The following XKR9 variants were observed in gnomAD, a reference collection of about 807,000 sequenced individuals.
XKR9 encodes XK related 9.
Under a neutral mutation model 32.0 loss-of-function variants are expected in XKR9, and 32 were observed. The ratio of observed to expected loss-of-function variants is 1.00; its 90% CI spans 0.76 to 1.34. XKR9 has a LOEUF of 1.34. XKR9 is among the 40% of genes most tolerant of loss of function. XKR9 has a pLI of 0.00. For synonymous variants in XKR9, 168 were observed against 143.4 expected (o/e 1.17, Z -1.22); for missense variants, 546 against 429.7 (o/e 1.27, Z -2.39).
the XKR9 span, among the ~76,000 whole-genome samples, chr8:70,940,150 A>G: frequency 6.6e-6 from 1 of 151,958 alleles, no homozygotes; most frequent in Non-Finnish European, 1.5e-5. Context: ...GGGAGTAGTA[A>G]TTTCTAAATC....
chr8:70,751,372 A>C (rs891783677), intron 2 of XKR9, among the ~76,000 whole-genome samples: 2 of 152,002 alleles, frequency 1.3e-5, no homozygotes, highest in Admixed American at 6.6e-5. Context: ...CAAGTGATCT[A>C]CCTGACTCAG....
the XKR9 span, among the ~76,000 whole-genome samples, chr8:70,958,398 C>A: frequency 1.3e-5 from 2 of 152,134 alleles, no homozygotes; most frequent in African/African-American, 4.8e-5. Flanking sequence ...GTCATTCTGA[C>A]TGGTTTTAAG....
At chr8:70,899,857 T>C in the XKR9 span, among the ~76,000 whole-genome samples, 1 of 152,244 alleles carries the variant, frequency 6.6e-6, no homozygotes, top group Non-Finnish European at 1.5e-5. Context: ...GTTTATTTTG[T>C]TGCTAATAAC....
rs568053818 is a variant in XKR9, at chr8:70,730,979, A to G, written c.494-2817A>G. On this transcript the variant is annotated intron_variant, in intron 4 of 4. Transcript: ENST00000408926. ...TGGTCACAAAGTTAAGCTCTTAAGG[A>G]CACAACACAAGATAGAGAAATTTCA... Among the ~76,000 whole-genome samples the G allele has an allele frequency of 3.3e-5, 5 of 152,318 alleles. No homozygotes were observed. In the South Asian group the frequency reaches 6.2e-4, roughly 19 times the overall value.
chr8:71,065,322 G>GA, the XKR9 span, among the ~76,000 whole-genome samples: 1 of 152,208 alleles, frequency 6.6e-6, no homozygotes, highest in South Asian at 2.1e-4. Flanking sequence ...AGAAGAAGAG[G>GA]AAATTATTCC....
At chr8:70,714,364 A>G (rs1269410294) in intron 4 of XKR9, among the ~76,000 whole-genome samples, 1 of 151,914 alleles carries the variant, frequency 6.6e-6, no homozygotes, top group Non-Finnish European at 1.5e-5. Flanking sequence ...GAAAGCTAAC[A>G]CCTACAAATT....
At chr8:71,005,873 A>G in the XKR9 span, among the ~76,000 whole-genome samples, 5 of 152,294 alleles carry the variant, frequency 3.3e-5, no homozygotes, top group East Asian at 9.7e-4. Context: ...TTCCAGATGA[A>G]AAGTTACCAG....
the XKR9 span, among the ~76,000 whole-genome samples, chr8:70,952,553 T>C: frequency 6.6e-6 from 1 of 152,216 alleles, no homozygotes; most frequent in Non-Finnish European, 1.5e-5. Flanking sequence ...AGTGCATCTC[T>C]GTGCCAGGCT....
At chr8:70,855,875 C>G in the XKR9 span, among the ~76,000 whole-genome samples, 3 of 152,136 alleles carry the variant, frequency 2.0e-5, no homozygotes, top group Admixed American at 2.0e-4. Context: ...TCCAGCCAAA[C>G]CAAGCTTCAT....
chr8:70,746,004 C>T (rs1807053304), intron 2 of XKR9, among the ~76,000 whole-genome samples: 2 of 152,050 alleles, frequency 1.3e-5, no homozygotes, highest in African/African-American at 2.4e-5. Context: ...AACCATTTGT[C>T]GTTTCCCAAA....
intron 2 of XKR9, among the ~76,000 whole-genome samples, chr8:70,759,724 G>A (rs970932101): frequency 6.6e-6 from 1 of 152,236 alleles, no homozygotes; most frequent in East Asian, 1.9e-4. Flanking sequence ...GGTGGCATTG[G>A]TGAGCTCACC....
downstream of XKR9, among the ~76,000 whole-genome samples, chr8:70,793,467 T>G (rs78459230): frequency 0.085 from 12,859 of 152,170 alleles, 1,091 homozygotes; most frequent in East Asian, 0.46. Flanking sequence ...TGTAATGCAC[T>G]TGGCCATCTT....
At chr8:70,862,405 C>G in the XKR9 span, among the ~76,000 whole-genome samples, 3 of 151,630 alleles carry the variant, frequency 2.0e-5, no homozygotes, top group Non-Finnish European at 4.4e-5. Context: ...AAAGAGATGT[C>G]TTTTTGCATG....
chr8:70,902,067 A>C, the XKR9 span, among the ~76,000 whole-genome samples: 2 of 152,142 alleles, frequency 1.3e-5, no homozygotes, highest in African/African-American at 2.4e-5. Context: ...CTTGTAGTAT[A>C]GTTTGAAGTC....
the XKR9 span, among the ~76,000 whole-genome samples, chr8:70,903,125 G>T: frequency 2.6e-5 from 4 of 152,062 alleles, no homozygotes; most frequent in Non-Finnish European, 5.9e-5. Context: ...GTTCCGCCAG[G>T]CTTTGGTATC....
intron 2 of XKR9, among the ~76,000 whole-genome samples, chr8:70,785,767 GTATATATGTA>G (rs1282883556): frequency 2.4e-4 from 35 of 145,562 alleles, no homozygotes; most frequent in Non-Finnish European, 2.4e-4. Context: ...GTATATATGT[GTATATATGTA>G]TATATATATG....
chr8:70,889,391 T>A, the XKR9 span, among the ~76,000 whole-genome samples: 5 of 151,858 alleles, frequency 3.3e-5, no homozygotes, highest in Non-Finnish European at 7.4e-5. Context: ...TTTTTAATTT[T>A]AAAAACTTTT....
intron 4 of XKR9, among the ~76,000 whole-genome samples, chr8:70,708,781 C>A (rs147522460): frequency 6.6e-6 from 1 of 151,976 alleles, no homozygotes; most frequent in African/African-American, 2.4e-5. Context: ...TTATGTTATA[C>A]GAGTTCTGAG....
the XKR9 span, among the ~76,000 whole-genome samples, chr8:70,799,871 T>G: frequency 2.6e-5 from 4 of 152,162 alleles, no homozygotes; most frequent in Non-Finnish European, 5.9e-5. Flanking sequence ...GTTTCCTGAT[T>G]TCTGAGCCCA....
Sources: gnomAD v4.1 joint callset for allele counts (sites outside exome capture counted in the v4.1 genomes callset) on GRCh38, gnomAD v4.1.1 for gene constraint, MANE v1.5 for transcripts, NCBI Gene and HGNC (gene_info 2026-07-23, HGNC 2026-07-21) for gene names.